The following ANO4 variants were observed in gnomAD, a reference collection of about 807,000 sequenced individuals.
ANO4 encodes the protein anoctamin 4.
In ANO4, 69 loss-of-function variants were observed where a neutral mutation model predicts 141.9. The observed-to-expected ratio is 0.49, with a 90% CI of 0.40 to 0.59. ANO4 has a LOEUF of 0.59. Ranked by LOEUF, ANO4 falls within the 20% of genes least tolerant of loss-of-function variation. The pLI is 0.00. For missense variants in ANO4, 894 were observed against 1,162.2 expected (o/e 0.77, Z 3.36); for synonymous variants, 350 against 394.3 (o/e 0.89, Z 1.33).
intron 1 of ANO4, among the ~76,000 whole-genome samples, chr12:100,851,727 G>C (rs2037881157): frequency 6.6e-6 from 1 of 152,152 alleles, no homozygotes; most frequent in African/African-American, 2.4e-5. Flanking sequence ...AGTGAATCAA[G>C]TAGGGGGTAT....
intron 10 of ANO4, among the ~76,000 whole-genome samples, chr12:101,038,219 A>G (rs139956768): frequency 9.8e-5 from 15 of 152,352 alleles, no homozygotes; most frequent in African/African-American, 3.6e-4. Flanking sequence ...TGCTAGAGCC[A>G]TACGCAGGTG....
chr12:100,864,596 A>C (rs1166059467), intron 1 of ANO4, among the ~76,000 whole-genome samples: 8 of 152,082 alleles, frequency 5.3e-5, no homozygotes, highest in Non-Finnish European at 2.9e-5. Flanking sequence ...ACACCCACAC[A>C]CAGACACCTT....
At chr12:100,783,209 G>A (rs2033762522) in intron 3 of ANO4, among the ~76,000 whole-genome samples, 1 of 152,148 alleles carries the variant, frequency 6.6e-6, no homozygotes, top group South Asian at 2.1e-4. Context: ...GATGGTAGGA[G>A]GACAGACTGC....
intron 2 of ANO4, among the ~76,000 whole-genome samples, chr12:100,919,494 G>C (rs2041506650): frequency 6.6e-6 from 1 of 152,124 alleles, no homozygotes; most frequent in South Asian, 2.1e-4. Context: ...TGCTGTACAG[G>C]TTTGTAGCTT....
At chr12:100,958,812 C>T (rs139787168) in intron 5 of ANO4, among the ~76,000 whole-genome samples, 31 of 152,226 alleles carry the variant, frequency 2.0e-4, no homozygotes, top group Non-Finnish European at 4.1e-4. Flanking sequence ...TGCGCCCCTG[C>T]GATCCAGCCT....
At position 100,844,219 on chromosome 12, in the gene ANO4, G is replaced by A. The variant is rs74887017; in HGVS notation, c.-141+49192G>A. ...AAAAGAGAACAGGCCAATGGAATGG[G>A]TAGTGCAAAGAGGGAGGAAATGAGA... On this transcript the variant is annotated intron_variant, in intron 1 of 27. Coordinates refer to ENST00000392977, the MANE Select transcript of ANO4 (RefSeq NM_001286615.2). Among the ~76,000 whole-genome samples, 789 of 152,212 alleles carry A rather than the reference G, an allele frequency of 5.2e-3. 5 individuals are homozygous for A. Among genetic ancestry groups the A allele is most frequent in the Middle Eastern group, 0.017 (5 of 294 alleles).
In ANO4 at chr12:100,857,379, A is replaced by T. The variant is rs184959870; in HGVS notation, c.-140-44267A>T. 2.6e-5 allele frequency among the ~76,000 whole-genome samples: 4 copies of T among 152,306 alleles called. No homozygotes were observed. In the East Asian group the frequency reaches 7.7e-4, roughly 29 times the overall value. On this transcript the variant is annotated intron_variant, in intron 1 of 27. Coordinates refer to ENST00000392977, the MANE Select transcript of ANO4 (RefSeq NM_001286615.2). ...CATTAGGTGATAATAATAGCAACTG[A>T]TATTTATGGAGTACTCACTGTTTTC... is the stretch of plus-strand genomic sequence containing the variant.
chr12:100,719,581 G>A (rs1417499382), intron 1 of ANO4, among the ~76,000 whole-genome samples: 1 of 150,630 alleles, frequency 6.6e-6, no homozygotes, highest in African/African-American at 2.4e-5. Context: ...AATTTATAGG[G>A]TTCAATTTTT....
At chr12:100,863,499 TTGAAA>T (rs2038591018) in intron 1 of ANO4, among the ~76,000 whole-genome samples, 1 of 152,178 alleles carries the variant, frequency 6.6e-6, no homozygotes, top group Non-Finnish European at 1.5e-5. Flanking sequence ...AATCTTACTC[TTGAAA>T]TGAAGGCTTT....
chr12:100,740,695 G>C (rs1453302661), intron 3 of ANO4, among the ~76,000 whole-genome samples: 1 of 152,062 alleles, frequency 6.6e-6, no homozygotes, highest in Non-Finnish European at 1.5e-5. Context: ...AATCTGGCTG[G>C]CTACCTGTTT....
chr12:101,127,522 G>A (rs1240923534), intron 27 of ANO4, among the ~76,000 whole-genome samples: 1 of 152,156 alleles, frequency 6.6e-6, no homozygotes, highest in Non-Finnish European at 1.5e-5. Flanking sequence ...TGGGCTGCAG[G>A]ACCAGTAACT....
chr12:101,102,453 T>G (rs2050228371), intron 22 of ANO4, among the ~76,000 whole-genome samples: 1 of 152,216 alleles, frequency 6.6e-6, no homozygotes, highest in Non-Finnish European at 1.5e-5. Context: ...CTTGAAATTT[T>G]ATGATAACTA....
chr12:101,061,402 T>C (rs758548241), intron 14 of ANO4, among the ~76,000 whole-genome samples: 35 of 152,098 alleles, frequency 2.3e-4, no homozygotes, highest in Non-Finnish European at 4.0e-4. Flanking sequence ...GTGTTCTCTG[T>C]ATTTCCTGAA....
At chr12:100,981,017 C>A (rs116243597) in intron 7 of ANO4, among the ~76,000 whole-genome samples, 1,958 of 152,214 alleles carry the variant, frequency 0.013, 34 homozygotes, top group African/African-American at 0.045. Flanking sequence ...CCTTCCACCC[C>A]CCATATGCAT....
intron 6 of ANO4, among the ~76,000 whole-genome samples, chr12:100,972,082 A>G (rs1470747290): frequency 6.6e-6 from 1 of 152,226 alleles, no homozygotes. Context: ...TTAAACCTCA[A>G]ATTAGAAATG....
At chr12:100,940,076 C>G (rs2042445960) in intron 4 of ANO4, among the ~76,000 whole-genome samples, 2 of 151,624 alleles carry the variant, frequency 1.3e-5, no homozygotes, top group African/African-American at 4.9e-5. Context: ...TTTTTATATT[C>G]CAGAGCTAGT....
At chr12:101,061,427 T>C (rs2048340125) in intron 14 of ANO4, among the ~76,000 whole-genome samples, 1 of 152,146 alleles carries the variant, frequency 6.6e-6, no homozygotes, top group Admixed American at 6.5e-5. Context: ...AATGTTGGCC[T>C]GTCTTTGTAG....
chr12:100,970,159 C>A (rs1190899176), intron 5 of ANO4, among the ~76,000 whole-genome samples: 1 of 152,170 alleles, frequency 6.6e-6, no homozygotes, highest in Admixed American at 6.5e-5. Flanking sequence ...TCTTTTGGCT[C>A]CCTTCATCTC....
intron 2 of ANO4, among the ~76,000 whole-genome samples, chr12:100,907,842 T>C (rs1213858679): frequency 6.6e-6 from 1 of 152,248 alleles, no homozygotes; most frequent in East Asian, 1.9e-4. Context: ...ATTTCATTGC[T>C]ATCTCTTTGA....
Sources: allele counts gnomAD v4.1 joint callset (sites outside exome capture counted in the v4.1 genomes callset), GRCh38; gene constraint gnomAD v4.1.1; transcripts MANE v1.5; gene names NCBI Gene and HGNC (gene_info 2026-07-23, HGNC 2026-07-21).